Variants in PARD3 observed in about 807,000 individuals in gnomAD.
The protein encoded by PARD3 is par-3 family cell polarity regulator.
In PARD3, 75 loss-of-function variants were observed where a neutral mutation model predicts 155.4. That is an observed-to-expected ratio of 0.48 (90% CI 0.40 to 0.58). The LOEUF is 0.58. PARD3 is among the 20% of genes least tolerant of loss of function. The probability of loss-of-function intolerance (pLI) is 0.00; values close to 1 mark genes in which losing one functional copy is unlikely to be tolerated. For missense variants in PARD3, 1,642 were observed against 1,721.7 expected, an observed-to-expected ratio of 0.95 and a Z score of 0.82; for synonymous variants, 576 against 610.5, an observed-to-expected ratio of 0.94 and a Z score of 0.83.
rs1274057773 is a variant in PARD3, at chr10:34,355,936, A to AC, written c.2067+3210_2067+3211insG. On this transcript the variant is annotated intron_variant, in intron 14 of 24. Transcript: ENST00000374788. ...TGACACTCCGTCTCAAAAAAAAAAA[A>AC]AAAAAAAAAACAAAACAAAACCAAA... 1.2e-3 allele frequency among the ~76,000 whole-genome samples: 140 copies of AC among 114,450 alleles called. 3 individuals are homozygous for AC. Among genetic ancestry groups the AC allele is most frequent in the Non-Finnish European group, 1.8e-3 (99 of 54,856 alleles). 75.1% of individuals were successfully genotyped at this position (114,450 alleles called of 152,430 possible). A position where few individuals can be genotyped will look rare whatever the true frequency, so the allele number is the denominator to read the frequency against.
At chr10:34,750,462 AACACACACACACACAC>A (rs71033348) in intron 1 of PARD3, among the ~76,000 whole-genome samples, 6,443 of 135,906 alleles carry the variant, frequency 0.047, 177 homozygotes, top group African/African-American at 0.057. Context: ...CTCTCTTTCA[AACACACACACACACAC>A]ACACACACAC....
At chr10:34,783,394 G>A (rs565850803) in intron 1 of PARD3, among the ~76,000 whole-genome samples, 34 of 151,850 alleles carry the variant, frequency 2.2e-4, no homozygotes, top group African/African-American at 7.5e-4. Flanking sequence ...CACAAGGTCA[G>A]GAGATCGAGA....
chr10:34,495,636 A>C (rs1441932546), intron 3 of PARD3, among the ~76,000 whole-genome samples: 2 of 152,190 alleles, frequency 1.3e-5, no homozygotes, highest in Non-Finnish European at 2.9e-5. Context: ...ATGGGGCAGA[A>C]AATATATTAG....
intron 5 of PARD3, among the ~76,000 whole-genome samples, chr10:34,441,107 G>A (rs1396915413): frequency 1.3e-5 from 2 of 152,030 alleles, no homozygotes; most frequent in African/African-American, 4.8e-5. Context: ...AATGACGATG[G>A]GGGCATTAGA....
intron 3 of PARD3, among the ~76,000 whole-genome samples, chr10:34,509,841 G>A (rs2081299027): frequency 6.6e-6 from 1 of 152,088 alleles, no homozygotes; most frequent in Admixed American, 6.5e-5. Flanking sequence ...TACAATTGAT[G>A]TACAACTGTG....
At chr10:34,631,137 C>T (rs2092249995) in intron 2 of PARD3, among the ~76,000 whole-genome samples, 1 of 152,024 alleles carries the variant, frequency 6.6e-6, no homozygotes, top group South Asian at 2.1e-4. Flanking sequence ...TTCCAGTATC[C>T]CAAATCCACA....
intron 22 of PARD3, among the ~76,000 whole-genome samples, chr10:34,209,618 G>A (rs1042053311): frequency 1.3e-5 from 2 of 152,152 alleles, no homozygotes; most frequent in Non-Finnish European, 2.9e-5. Context: ...AGAGACATAG[G>A]TTCAAATCTT....
chr10:34,264,974 C>T (rs140478293), intron 22 of PARD3, among the ~76,000 whole-genome samples: 137 of 152,242 alleles, frequency 9.0e-4, no homozygotes, highest in African/African-American at 3.0e-3. Flanking sequence ...TGGTCTCAGA[C>T]GCTGGGCTTC....
intron 5 of PARD3, among the ~76,000 whole-genome samples, chr10:34,445,018 C>T (rs2076664608): frequency 6.6e-6 from 1 of 152,044 alleles, no homozygotes; most frequent in African/African-American, 2.4e-5. Flanking sequence ...GGAAGATGGC[C>T]ATCAGTTCTA....
chr10:34,161,533 A>G (rs919168780), intron 22 of PARD3, among the ~76,000 whole-genome samples: 7 of 152,116 alleles, frequency 4.6e-5, no homozygotes, highest in Non-Finnish European at 8.8e-5. Context: ...GACTGGTGGA[A>G]ATCCCAAGAT....
At chr10:34,564,141 T>C (rs1369544864) in intron 2 of PARD3, among the ~76,000 whole-genome samples, 1 of 152,226 alleles carries the variant, frequency 6.6e-6, no homozygotes, top group African/African-American at 2.4e-5. Context: ...ATGAAGTTAA[T>C]TTCAACCCCA....
chr10:34,341,566 C>A (rs1836835209), intron 16 of PARD3, 61 bp downstream of exon 16: 2 of 1,389,320 alleles, frequency 1.4e-6, no homozygotes, highest in Non-Finnish European at 2.0e-6. Flanking sequence ...CAGTAAGCCA[C>A]TTAAACATAA....
chr10:34,225,496 C>A (rs552640372), intron 22 of PARD3, among the ~76,000 whole-genome samples: 13 of 152,220 alleles, frequency 8.5e-5, no homozygotes, highest in African/African-American at 2.9e-4. Flanking sequence ...CAGGCACACG[C>A]CACCACACCC....
At chr10:34,483,498 A>G (rs7100738) in intron 3 of PARD3, among the ~76,000 whole-genome samples, 59,603 of 140,506 alleles carry the variant, frequency 0.42, 13,079 homozygotes, top group African/African-American at 0.6. Flanking sequence ...AAAAAAAAAA[A>G]AGAGAGAGAA....
intron 2 of PARD3, among the ~76,000 whole-genome samples, chr10:34,567,997 G>A (rs2086095008): frequency 6.6e-6 from 1 of 150,556 alleles, no homozygotes; most frequent in Non-Finnish European, 1.5e-5. Flanking sequence ...CTGCTCATGG[G>A]CAGGTTAAGG....
chr10:34,568,527 T>C (rs2086138996), intron 2 of PARD3, among the ~76,000 whole-genome samples: 1 of 152,204 alleles, frequency 6.6e-6, no homozygotes, highest in South Asian at 2.1e-4. Flanking sequence ...ATAAAAATCA[T>C]AGGGGTTTAA....
intron 22 of PARD3, among the ~76,000 whole-genome samples, chr10:34,160,012 G>C (rs1949198649): frequency 6.6e-6 from 1 of 152,180 alleles, no homozygotes; most frequent in Non-Finnish European, 1.5e-5. Context: ...TGCATTGGAA[G>C]AACTGAAAAA....
chr10:34,736,216 G>T (rs2094911150), intron 1 of PARD3, among the ~76,000 whole-genome samples: 1 of 151,994 alleles, frequency 6.6e-6, no homozygotes, highest in Admixed American at 6.5e-5. Context: ...ATTTTTAGTA[G>T]AGACAGGGTT....
At chr10:34,373,115 C>A (rs924708877) in intron 11 of PARD3, among the ~76,000 whole-genome samples, 3 of 151,866 alleles carry the variant, frequency 2.0e-5, no homozygotes, top group Admixed American at 6.6e-5. Context: ...AACACAGACA[C>A]CCCAAACAGA....
Sources: gnomAD v4.1 joint callset for allele counts (sites outside exome capture counted in the v4.1 genomes callset) on GRCh38, gnomAD v4.1.1 for gene constraint, MANE v1.5 for transcripts, NCBI Gene and HGNC (gene_info 2026-07-23, HGNC 2026-07-21) for gene names.